The following GPHN variants were observed in gnomAD, a reference collection of about 807,000 sequenced individuals.
GPHN encodes gephyrin.
A neutral mutation model predicts 95.5 loss-of-function variants in GPHN; 17 were observed. The observed-to-expected ratio is 0.18, with a 90% CI of 0.12 to 0.27. GPHN has a LOEUF of 0.27. Ranked by LOEUF, GPHN falls within the 10% of genes least tolerant of loss-of-function variation. The probability of loss-of-function intolerance (pLI) is 1.00; values close to 1 mark genes in which losing one functional copy is unlikely to be tolerated. For synonymous variants in GPHN, 320 were observed against 322.5 expected (o/e 0.99, Z 0.08); for missense variants, 660 against 978.1 (o/e 0.67, Z 4.34).
At chr14:67,122,627 G>A (rs1003721373) in intron 17 of GPHN, among the ~76,000 whole-genome samples, 1 of 152,286 alleles carries the variant, frequency 6.6e-6, no homozygotes, top group Admixed American at 6.5e-5. Context: ...GGATGTTTTT[G>A]TAATAGTTTT....
chr14:67,058,772 T>A lies in GPHN; in HGVS notation c.1130T>A (p.Ile377Asn), dbSNP rs2075704662. The part of the protein sequence containing the change: ...LEMTPVLGTE[I>N]INYRDGMGRV... ...ATGACTCCGGTGCTTGGGACAGAAA[T>A]CATCAATTACCGAGGTACTATTATA... is the stretch of plus-strand genomic sequence containing the variant. Residue 377 changes from isoleucine to asparagine, a missense_variant, in exon 11 of 23, where the codon ATC becomes AAC. Ile to Asn is a moderately radical substitution (Grantham distance 149). Coordinates refer to ENST00000478722, the MANE Select transcript of GPHN (RefSeq NM_020806.5). The A allele has an allele frequency of 1.2e-6, 2 of 1,613,606 alleles. No homozygotes were observed. Among genetic ancestry groups the A allele is most frequent in the African/African-American group, 2.7e-5 (2 of 74,906 alleles).
At position 67,093,832 on chromosome 14, in the gene GPHN, C is replaced by G. The variant is rs552040035; in HGVS notation, c.1237+4757C>G. On this transcript the variant is annotated intron_variant, in intron 12 of 22. Coordinates refer to ENST00000478722, the MANE Select transcript of GPHN (RefSeq NM_020806.5). Reference sequence around the variant, plus strand: ...ATGAATCCTCTTATTCCAGCTTTGTCACCTTCTCTTGTTACCTTTCCCTAC... The same window carrying G: ...ATGAATCCTCTTATTCCAGCTTTGTGACCTTCTCTTGTTACCTTTCCCTAC... 2.6e-5 allele frequency among the ~76,000 whole-genome samples: 4 copies of G among 152,194 alleles called. 1 individual carries two copies. The highest frequency in any genetic ancestry group is 9.6e-5 in the African/African-American group (4 of 41,556).
At chr14:67,215,882 AAAGTT>A in the GPHN span, among the ~76,000 whole-genome samples, 1 of 152,196 alleles carries the variant, frequency 6.6e-6, no homozygotes. Context: ...AAAATCTCAC[AAAGTT>A]AACTGAATCA....
intron 9 of GPHN, chr14:66,969,549 C>T (rs2069597763): frequency 6.6e-6 from 1 of 152,236 alleles, no homozygotes; most frequent in East Asian, 1.9e-4. Flanking sequence ...CCTGTAATCC[C>T]AGCACTTTGG....
intron 1 of GPHN, among the ~76,000 whole-genome samples, chr14:66,547,637 G>A (rs369334658): frequency 2.6e-5 from 4 of 152,242 alleles, no homozygotes; most frequent in Admixed American, 1.3e-4. Flanking sequence ...GCTGAGGCTC[G>A]GTGTGGTGAT....
At chr14:66,724,937 TG>T (rs1304972019) in intron 2 of GPHN, among the ~76,000 whole-genome samples, 2 of 152,172 alleles carry the variant, frequency 1.3e-5, no homozygotes, top group Non-Finnish European at 2.9e-5. Context: ...AACTGAATTG[TG>T]TCTCCTCCAA....
chr14:67,349,124 C>G, the GPHN span: 1 of 1,610,188 alleles, frequency 6.2e-7, no homozygotes, highest in Non-Finnish European at 8.5e-7. Flanking sequence ...AAGAGAAAGA[C>G]TTTATTTAGC....
At chr14:66,923,655 A>G (rs1341772794) in intron 7 of GPHN, among the ~76,000 whole-genome samples, 3 of 152,156 alleles carry the variant, frequency 2.0e-5, no homozygotes, top group African/African-American at 4.8e-5. Flanking sequence ...GTATGCCTTA[A>G]TATCTACAGA....
At chr14:66,529,009 T>A (rs767906920) in intron 1 of GPHN, among the ~76,000 whole-genome samples, 15 of 152,212 alleles carry the variant, frequency 9.9e-5, no homozygotes, top group Non-Finnish European at 2.2e-4. Context: ...AATGTTGGCC[T>A]GTCTTGCTAG....
At chr14:66,727,691 TA>T (rs771101685) in intron 2 of GPHN, among the ~76,000 whole-genome samples, 2 of 152,170 alleles carry the variant, frequency 1.3e-5, no homozygotes, top group Non-Finnish European at 2.9e-5. Context: ...AATTGATTTC[TA>T]AACAGTAAAG....
the GPHN span, among the ~76,000 whole-genome samples, chr14:67,578,868 A>G: frequency 2.0e-5 from 3 of 152,220 alleles, no homozygotes; most frequent in East Asian, 5.8e-4. The surrounding 1 kb of genome is among the most constrained non-coding windows in gnomAD (Gnocchi z 5.0). Flanking sequence ...CAACTCTCAC[A>G]TGAAGCCACA....
intron 2 of GPHN, among the ~76,000 whole-genome samples, chr14:66,697,056 C>A (rs760520360): frequency 1.3e-5 from 2 of 152,162 alleles, no homozygotes; most frequent in Non-Finnish European, 2.9e-5. Flanking sequence ...TTTCTACACA[C>A]TAATATTTTA....
the GPHN span, among the ~76,000 whole-genome samples, chr14:67,207,334 A>G: frequency 6.6e-6 from 1 of 152,076 alleles, no homozygotes; most frequent in Admixed American, 6.6e-5. Flanking sequence ...GGCCAGAGAG[A>G]GAGCAAAAGA....
intron 1 of GPHN, among the ~76,000 whole-genome samples, chr14:66,512,544 A>G (rs2058079592): frequency 6.6e-6 from 1 of 151,962 alleles, no homozygotes; most frequent in Admixed American, 6.5e-5. Context: ...CATTTTTAAA[A>G]ATCATATTTT....
At chr14:66,870,887 A>G (rs1037863768) in intron 4 of GPHN, among the ~76,000 whole-genome samples, 1 of 152,178 alleles carries the variant, frequency 6.6e-6, no homozygotes, top group African/African-American at 2.4e-5. Context: ...CCTAATGTAA[A>G]TAAGAGTTTG....
the GPHN span, chr14:67,579,814 GC>G: frequency 6.2e-7 from 1 of 1,610,252 alleles, no homozygotes; most frequent in Non-Finnish European, 8.5e-7. Flanking sequence ...CTCTGGCTTT[GC>G]CCTCTTCACG....
chr14:67,033,936 A>G (rs2074302479), intron 10 of GPHN, among the ~76,000 whole-genome samples: 1 of 152,198 alleles, frequency 6.6e-6, no homozygotes, highest in Admixed American at 6.5e-5. Context: ...TGCTGAAGGA[A>G]CAAAATCTGC....
At chr14:67,663,095 T>G in the GPHN span, 3 of 1,507,030 alleles carry the variant, frequency 2.0e-6, no homozygotes, top group Non-Finnish European at 2.6e-6. Flanking sequence ...GGCAATGACT[T>G]GAACGATGAG....
intron 1 of GPHN, among the ~76,000 whole-genome samples, chr14:66,544,564 G>A (rs953400315): frequency 1.4e-5 from 2 of 145,734 alleles, no homozygotes; most frequent in African/African-American, 5.4e-5. Context: ...AAGAATGCAA[G>A]CCTTTCTTTT....
Sources: allele counts gnomAD v4.1 joint callset (sites outside exome capture counted in the v4.1 genomes callset), GRCh38; gene constraint gnomAD v4.1.1; non-coding constraint Gnocchi (gnomAD v3.1); transcripts MANE v1.5; gene names NCBI Gene and HGNC (gene_info 2026-07-23, HGNC 2026-07-21).